METAP1: variants seen among roughly 807,000 people sequenced by gnomAD.
METAP1 encodes the protein methionyl aminopeptidase 1.
Under a neutral mutation model 53.8 loss-of-function variants are expected in METAP1, and 28 were observed. That is an observed-to-expected ratio of 0.52 (90% CI 0.39 to 0.71). The LOEUF (loss-of-function observed/expected upper bound fraction) is 0.71. METAP1 is among the 30% of genes least tolerant of loss of function. The pLI is 0.00. For synonymous variants in METAP1, 181 were observed against 165.7 expected (o/e 1.09, Z -0.71); for missense variants, 389 against 479.8 (o/e 0.81, Z 1.77).
chr4:99,007,070 G>A lies in METAP1; in HGVS notation c.114+11203G>A, dbSNP rs116681879. ...CCTCCTGAGCTCAAGTGATGCTCCCGCCTTGGCCTCCTGAGTAGCTGGGAC... is the reference window on the plus strand; with the variant it reads ...CCTCCTGAGCTCAAGTGATGCTCCCACCTTGGCCTCCTGAGTAGCTGGGAC... On this transcript the variant is annotated intron_variant, in intron 1 of 10. Coordinates refer to ENST00000296411, the MANE Select transcript of METAP1 (RefSeq NM_015143.3). Among the ~76,000 whole-genome samples the A allele has an allele frequency of 3.2e-3, 480 of 151,466 alleles. 3 individuals carry two copies. The highest frequency in any genetic ancestry group is 6.8e-3 in the Middle Eastern group (2 of 294).
At chr4:99,039,512 CT>C in intron 5 of METAP1, 47 bp downstream of exon 5, 1 of 1,138,126 alleles carries the variant, frequency 8.8e-7, no homozygotes, top group Non-Finnish European at 1.3e-6. Context: ...TTAAGCAGTA[CT>C]TAGACATGAA....
At chr4:99,025,850 T>C (rs932264493) in intron 1 of METAP1, among the ~76,000 whole-genome samples, 2 of 152,228 alleles carry the variant, frequency 1.3e-5, no homozygotes, top group Non-Finnish European at 2.9e-5. Flanking sequence ...TTCATCTGCA[T>C]GGTAAAAACC....
At chr4:99,009,644 G>A (rs1455648869) in intron 1 of METAP1, among the ~76,000 whole-genome samples, 2 of 152,096 alleles carry the variant, frequency 1.3e-5, no homozygotes, top group African/African-American at 4.8e-5. Flanking sequence ...CGTTTCATAT[G>A]CCTGTTGGCT....
intron 1 of METAP1, chr4:99,025,378 T>A: frequency 1.0e-6 from 1 of 985,378 alleles, no homozygotes; most frequent in African/African-American, 1.7e-5. Flanking sequence ...AGGAAATAAC[T>A]TGTTCTAGAA....
intron 2 of METAP1, among the ~76,000 whole-genome samples, chr4:99,029,269 T>TA (rs1364767654): frequency 6.6e-6 from 1 of 152,234 alleles, no homozygotes; most frequent in Non-Finnish European, 1.5e-5. Flanking sequence ...TGGCTTCATT[T>TA]AACCAGATTC....
chr4:99,053,655 T>G (rs1292607458), intron 9 of METAP1, among the ~76,000 whole-genome samples: 1 of 152,200 alleles, frequency 6.6e-6, no homozygotes, highest in Non-Finnish European at 1.5e-5. Flanking sequence ...TACGGCAGCC[T>G]TAGAAAATGT....
At chr4:99,024,970 G>A (rs778024041) in intron 1 of METAP1, among the ~76,000 whole-genome samples, 16 of 152,208 alleles carry the variant, frequency 1.1e-4, no homozygotes, top group Non-Finnish European at 2.4e-4. Flanking sequence ...CACAAGGAGT[G>A]TGCAACCTGG....
intron 8 of METAP1, among the ~76,000 whole-genome samples, chr4:99,046,481 A>G (rs1726244050): frequency 6.6e-6 from 1 of 152,194 alleles, no homozygotes; most frequent in Non-Finnish European, 1.5e-5. Flanking sequence ...TAAATGGGCA[A>G]ACAGCCTTCT....
chr4:99,046,936 CAAAAAAAAA>C (rs56702946), intron 8 of METAP1, among the ~76,000 whole-genome samples: 2 of 82,206 alleles, frequency 2.4e-5, no homozygotes, highest in African/African-American at 3.7e-5. Flanking sequence ...ACTGAAGAAA[CAAAAAAAAA>C]AAAAAAAAAA....
intron 7 of METAP1, 78 bp from the exon 8 acceptor site, chr4:99,045,101 A>T: frequency 7.1e-7 from 1 of 1,417,914 alleles, no homozygotes. Context: ...AAGTTGCTAG[A>T]TGCTGTCATG....
chr4:99,054,577 C>T (rs143817984), intron 9 of METAP1, among the ~76,000 whole-genome samples: 1 of 152,300 alleles, frequency 6.6e-6, no homozygotes, highest in Admixed American at 6.5e-5. Flanking sequence ...AGAACTTTCC[C>T]TCTGCATTCA....
intron 1 of METAP1, among the ~76,000 whole-genome samples, chr4:99,003,588 A>G (rs944843517): frequency 2.6e-5 from 4 of 152,246 alleles, no homozygotes; most frequent in African/African-American, 9.6e-5. Flanking sequence ...GAATAATTTA[A>G]TATTGCTTTT....
intron 1 of METAP1, among the ~76,000 whole-genome samples, chr4:99,014,106 A>T: frequency 6.6e-6 from 1 of 152,248 alleles, no homozygotes; most frequent in Non-Finnish European, 1.5e-5. Context: ...ATGACACAAC[A>T]TCCAATAAGT....
intron 1 of METAP1, among the ~76,000 whole-genome samples, chr4:99,018,023 A>C (rs62323257): frequency 1.3e-5 from 2 of 152,268 alleles, no homozygotes; most frequent in African/African-American, 4.8e-5. Flanking sequence ...TATTTGGTCT[A>C]CTTCATCAGA....
intron 7 of METAP1, 104 bp downstream of exon 7, chr4:99,043,491 CT>C: frequency 1.6e-6 from 2 of 1,217,118 alleles, no homozygotes; most frequent in Non-Finnish European, 2.3e-6. Flanking sequence ...TGTACTTAAA[CT>C]TTTTCCTTTT....
At chr4:99,023,268 T>G (rs1325695945) in intron 1 of METAP1, 1 of 441,316 alleles carries the variant, frequency 2.3e-6, no homozygotes, top group Non-Finnish European at 3.5e-6. Context: ...TAGTAAGTAA[T>G]GCTATAGTGA....
intron 5 of METAP1, among the ~76,000 whole-genome samples, chr4:99,040,244 C>T (rs1264310881): frequency 7.9e-5 from 12 of 152,056 alleles, no homozygotes; most frequent in Admixed American, 7.9e-4. Flanking sequence ...TGCTGTAGGC[C>T]TTTTTGTGAA....
At chr4:99,049,936 T>C (rs1308976749) in intron 9 of METAP1, among the ~76,000 whole-genome samples, 1 of 152,192 alleles carries the variant, frequency 6.6e-6, no homozygotes, top group African/African-American at 2.4e-5. Flanking sequence ...CTTAGCCCAA[T>C]TTTTTTAAAG....
intron 8 of METAP1, among the ~76,000 whole-genome samples, chr4:99,047,402 T>C (rs1281528240): frequency 6.6e-6 from 1 of 152,178 alleles, no homozygotes; most frequent in African/African-American, 2.4e-5. Context: ...TAGGGAAGAC[T>C]TCCTCTGTCA....
Sources: allele counts gnomAD v4.1 joint callset (sites outside exome capture counted in the v4.1 genomes callset), GRCh38; gene constraint gnomAD v4.1.1; transcripts MANE v1.5; gene names NCBI Gene and HGNC (gene_info 2026-07-23, HGNC 2026-07-21).